RO60: variants seen among roughly 807,000 people sequenced by gnomAD.
RO60 encodes the protein RNA-binding protein RO60.
Under a neutral mutation model 55.3 loss-of-function variants are expected in RO60, and 20 were observed. The observed-to-expected ratio is 0.36, with a 90% CI of 0.25 to 0.53. The LOEUF (loss-of-function observed/expected upper bound fraction) is 0.53. Ranked by LOEUF, RO60 falls within the 20% of genes least tolerant of loss-of-function variation. The pLI is 0.92. For missense variants in RO60, 558 were observed against 646.6 expected (o/e 0.86, Z 1.49); for synonymous variants, 213 against 213.6 (o/e 1.00, Z 0.02).
At chr1:193,079,962 A>G (rs1003224492) in intron 5 of RO60, among the ~76,000 whole-genome samples, 2 of 130,506 alleles carry the variant, frequency 1.5e-5, no homozygotes, top group African/African-American at 5.5e-5. Flanking sequence ...CCCCGTCTCT[A>G]AAAAAAAAAA....
rs1674552912 is a variant in RO60, at chr1:193,084,890, A to G, written c.*159A>G. The stretch of plus-strand genomic sequence containing the variant: ...TGAAAAAAAAAAAAGAAGGAAAAAT[A>G]AGATGGGCCCAAAGGTCTATCTACT... On this transcript the variant is annotated 3_prime_UTR_variant, in exon 9 of 9. Coordinates refer to ENST00000400968, the MANE Select transcript of RO60 (RefSeq NM_001173524.2). The G allele has an allele frequency of 6.8e-7, 1 of 1,475,354 alleles. No homozygotes were observed. The highest frequency in any genetic ancestry group is 1.4e-5 in the African/African-American group (1 of 70,136). 91.4% of individuals were successfully genotyped at this position (1,475,354 alleles called of 1,614,324 possible). A position where few individuals can be genotyped will look rare whatever the true frequency, so the allele number is the denominator to read the frequency against.
rs768508291 is a variant in RO60 at position 193,061,010 on chromosome 1, T to C, written c.-22+1234T>C. 5.3e-5 allele frequency among the ~76,000 whole-genome samples: 8 copies of C among 152,238 alleles called. No individual in the cohort carries two copies. The South Asian group carries it at 1.2e-3, about 24-fold the overall frequency. ...AACTTAATTAACATGGTACCTATTG[T>C]AGAAAGACCAAACTGAAAATTTAGC... On this transcript the variant is annotated intron_variant, in intron 1 of 8. Transcript: ENST00000400968.
chr1:193,084,359 T>G (rs183634306), intron 8 of RO60, among the ~76,000 whole-genome samples: 107 of 152,328 alleles, frequency 7.0e-4, no homozygotes, highest in African/African-American at 2.5e-3. Context: ...GTAAAGTAAT[T>G]GAAGAGAGAA....
chr1:193,064,857 A>G (rs1004513651), intron 1 of RO60, among the ~76,000 whole-genome samples: 1 of 152,250 alleles, frequency 6.6e-6, no homozygotes, highest in African/African-American at 2.4e-5. Flanking sequence ...GACATCCTTC[A>G]TAGATTTAAA....
chr1:193,077,519 G>A lies in RO60; in HGVS notation c.1086+469G>A, dbSNP rs371995543. Among the ~76,000 whole-genome samples the A allele has an allele frequency of 4.6e-5, 7 of 152,090 alleles. No homozygotes were observed. The East Asian group carries it at 1.2e-3, about 25-fold the overall frequency. On this transcript the variant is annotated intron_variant, in intron 5 of 8. Coordinates refer to ENST00000400968, the MANE Select transcript of RO60 (RefSeq NM_001173524.2). The stretch of plus-strand genomic sequence containing the variant: ...CAGGAAGAAGTGATGAGCATAAGGG[G>A]GGAAGCTCCTTATAAAACCATCAGA...
At chr1:193,067,163 A>G (rs1250495817) in intron 1 of RO60, among the ~76,000 whole-genome samples, 2 of 150,122 alleles carry the variant, frequency 1.3e-5, no homozygotes, top group African/African-American at 5.0e-5. Context: ...TGATGAGGAG[A>G]AAAAAAAATT....
intron 2 of RO60, among the ~76,000 whole-genome samples, chr1:193,071,452 A>G (rs535759335): frequency 3.9e-5 from 6 of 152,342 alleles, no homozygotes; most frequent in Admixed American, 3.3e-4. Context: ...AGTTGCATAT[A>G]TACCATTGTA....
At position 193,089,510 on chromosome 1, in the gene RO60, T is replaced by C. The variant is rs762652797; in HGVS notation, c.*4779T>C. The C allele has an allele frequency of 6.6e-6, 1 of 152,164 alleles. No individual in the cohort carries two copies. Among genetic ancestry groups the C allele is most frequent in the Non-Finnish European group, 1.5e-5 (1 of 68,014 alleles). 9.4% of individuals were successfully genotyped at this position (152,164 alleles called of 1,614,324 possible). A position where few individuals can be genotyped will look rare whatever the true frequency, so the allele number is the denominator to read the frequency against. On this transcript the variant is annotated 3_prime_UTR_variant, in exon 9 of 9. Coordinates refer to ENST00000400968, the MANE Select transcript of RO60 (RefSeq NM_001173524.2). ...TATTTTTCATGTATAAAACTAATAA[T>C]GTAGTTAAGCATACTGTTTGAATAA... is the stretch of plus-strand genomic sequence containing the variant.
rs1674809876 is a variant in RO60 at position 193,090,344 on chromosome 1, A to C, written c.*5613A>C. On this transcript the variant is annotated 3_prime_UTR_variant, in exon 9 of 9. Coordinates refer to ENST00000400968, the MANE Select transcript of RO60 (RefSeq NM_001173524.2). ...AAACTTGGCTTTATTTGTAACGTAA[A>C]CTATATATAATCCATACGTAGCCAA... The C allele has an allele frequency of 6.6e-6, 1 of 152,038 alleles. No individual in the cohort carries two copies. The highest frequency in any genetic ancestry group is 2.4e-5 in the African/African-American group (1 of 41,400). The allele number at this position is 152,038 out of a possible 1,614,324, so 9.4% of individuals were successfully genotyped here. A position where few individuals can be genotyped will look rare whatever the true frequency, so the allele number is the denominator to read the frequency against.
At chr1:193,070,004 C>G (rs1572071973) in intron 2 of RO60, among the ~76,000 whole-genome samples, 2 of 152,144 alleles carry the variant, frequency 1.3e-5, no homozygotes, top group Non-Finnish European at 2.9e-5. Flanking sequence ...CTTTTGAGTT[C>G]CAGCTTTGCC....
intron 1 of RO60, among the ~76,000 whole-genome samples, chr1:193,066,520 T>C (rs923570853): frequency 6.6e-6 from 1 of 152,234 alleles, no homozygotes; most frequent in Non-Finnish European, 1.5e-5. Flanking sequence ...ACTTTTCCTC[T>C]GACCATTTGA....
chr1:193,064,695 A>G (rs959637458), intron 1 of RO60, among the ~76,000 whole-genome samples: 2 of 152,234 alleles, frequency 1.3e-5, no homozygotes, highest in Non-Finnish European at 2.9e-5. Flanking sequence ...AGCATAGGAA[A>G]ACCTGAGCAG....
intron 2 of RO60, among the ~76,000 whole-genome samples, chr1:193,073,628 C>G (rs1157214714): frequency 6.6e-6 from 1 of 152,172 alleles, no homozygotes; most frequent in African/African-American, 2.4e-5. Flanking sequence ...GGCTGGAGCA[C>G]AGTGGCACGA....
chr1:193,084,294 A>G, intron 8 of RO60, among the ~76,000 whole-genome samples: 1 of 152,228 alleles, frequency 6.6e-6, no homozygotes, highest in African/African-American at 2.4e-5. Context: ...GACAGGTTTC[A>G]TAAGTACAAA....
intron 5 of RO60, among the ~76,000 whole-genome samples, chr1:193,079,981 A>T (rs1233611114): frequency 1.3e-5 from 2 of 150,644 alleles, no homozygotes; most frequent in East Asian, 1.9e-4. Context: ...AAAAAAAAAA[A>T]TTAGCTGAGT....
intron 1 of RO60, among the ~76,000 whole-genome samples, chr1:193,062,261 T>A (rs1483544955): frequency 1.3e-5 from 2 of 152,188 alleles, no homozygotes; most frequent in African/African-American, 4.8e-5. Flanking sequence ...ATAATGGAGC[T>A]TAAGCTTTGA....
Position 193,059,669 on chromosome 1 carries a change from C to CT in RO60, c.-128dup, listed in dbSNP as rs1558217739. On this transcript the variant is annotated 5_prime_UTR_variant, in exon 1 of 9. Coordinates refer to ENST00000400968, the MANE Select transcript of RO60 (RefSeq NM_001173524.2). This position sits in a 1 kb window ranked among gnomAD's most constrained non-coding sequence, Gnocchi z 4.9. ...GGCGGCAGTGGGGCTGTTGCTGTTG[C>CT]TGTGGCTGTCGCTGCCCGTCAGGCT... 6 of 1,372,496 alleles carry CT rather than the reference C, an allele frequency of 4.4e-6. No homozygotes were observed. The highest frequency in any genetic ancestry group is 5.8e-6 in the Non-Finnish European group (6 of 1,028,028). The allele number at this position is 1,372,496 out of a possible 1,614,324, so 85.0% of individuals were successfully genotyped here.
At chr1:193,062,311 T>C (rs1228823350) in intron 1 of RO60, among the ~76,000 whole-genome samples, 1 of 152,196 alleles carries the variant, frequency 6.6e-6, no homozygotes, top group Non-Finnish European at 1.5e-5. Context: ...AGAAATTAAG[T>C]TGCTGTATAT....
At chr1:193,073,609 T>C (rs1012522639) in intron 2 of RO60, among the ~76,000 whole-genome samples, 5 of 152,180 alleles carry the variant, frequency 3.3e-5, no homozygotes, top group South Asian at 4.1e-4. Context: ...AGTCTCACTC[T>C]GTTGGCCAGG....
Sources: allele counts gnomAD v4.1 joint callset (sites outside exome capture counted in the v4.1 genomes callset), GRCh38; gene constraint gnomAD v4.1.1; non-coding constraint Gnocchi (gnomAD v3.1); transcripts MANE v1.5; gene names NCBI Gene and HGNC (gene_info 2026-07-23, HGNC 2026-07-21).